AGO3: variants seen among roughly 807,000 people sequenced by gnomAD.
AGO3 encodes protein argonaute-3.
In AGO3, 16 loss-of-function variants were observed where a neutral mutation model predicts 105.5. The observed-to-expected ratio is 0.15, with a 90% CI of 0.10 to 0.23. AGO3 has a LOEUF of 0.23. AGO3 is among the 10% of genes least tolerant of loss of function. AGO3 has a pLI of 1.00. For missense variants in AGO3, 534 were observed against 1,088.0 expected (o/e 0.49, Z 7.16); for synonymous variants, 340 against 367.3 (o/e 0.93, Z 0.85).
chr1:35,962,671 A>T (rs924323531), intron 2 of AGO3, among the ~76,000 whole-genome samples: 1 of 152,154 alleles, frequency 6.6e-6, no homozygotes, highest in African/African-American at 2.4e-5. Flanking sequence ...TAAAAATGCC[A>T]TTACAAATTG....
chr1:36,031,141 G>T (rs1301193611), intron 12 of AGO3, among the ~76,000 whole-genome samples: 1 of 151,940 alleles, frequency 6.6e-6, no homozygotes, highest in Non-Finnish European at 1.5e-5. Context: ...TTATTTATTT[G>T]CTGACCTTCA....
At chr1:35,970,507 G>A (rs1646846161) in intron 3 of AGO3, among the ~76,000 whole-genome samples, 3 of 152,082 alleles carry the variant, frequency 2.0e-5, no homozygotes, top group Admixed American at 6.5e-5. Flanking sequence ...ACCTACTAAT[G>A]ATTCAAGGCT....
intron 1 of AGO3, among the ~76,000 whole-genome samples, chr1:35,936,997 A>G (rs1286605140): frequency 6.6e-6 from 1 of 152,238 alleles, no homozygotes; most frequent in Non-Finnish European, 1.5e-5. Flanking sequence ...TGAATCTTCT[A>G]ACAATATGAG....
chr1:35,942,041 T>G (rs1478346138), intron 1 of AGO3, among the ~76,000 whole-genome samples: 1 of 152,204 alleles, frequency 6.6e-6, no homozygotes, highest in Non-Finnish European at 1.5e-5. Context: ...AGTCAAATGA[T>G]TAGATAATTG....
At chr1:35,942,874 C>A (rs1483741644) in intron 1 of AGO3, among the ~76,000 whole-genome samples, 1 of 152,198 alleles carries the variant, frequency 6.6e-6, no homozygotes, top group African/African-American at 2.4e-5. Flanking sequence ...TTTAACAAAT[C>A]TGCATTTGCT....
intron 17 of AGO3, among the ~76,000 whole-genome samples, chr1:36,046,463 G>A (rs1402965635): frequency 6.0e-5 from 9 of 151,214 alleles, no homozygotes; most frequent in Admixed American, 1.3e-4. Context: ...AGGCCGAGGC[G>A]GGCATATCAC....
At chr1:35,942,783 C>CA (rs1475827453) in intron 1 of AGO3, among the ~76,000 whole-genome samples, 8 of 152,070 alleles carry the variant, frequency 5.3e-5, no homozygotes, top group African/African-American at 1.9e-4. Context: ...TGTGTATAGT[C>CA]AGTAGTGTTC....
intron 1 of AGO3, among the ~76,000 whole-genome samples, chr1:35,933,086 C>T (rs1646084365): frequency 6.6e-6 from 1 of 152,164 alleles, no homozygotes; most frequent in Non-Finnish European, 1.5e-5. Flanking sequence ...TGTCCCATTG[C>T]TGAAATGGAT....
At chr1:36,029,313 AAAT>A (rs1302346835) in intron 12 of AGO3, among the ~76,000 whole-genome samples, 1 of 152,128 alleles carries the variant, frequency 6.6e-6, no homozygotes, top group Non-Finnish European at 1.5e-5. Context: ...GTAAGTTTAG[AAAT>A]AATAGAAGAA....
intron 6 of AGO3, among the ~76,000 whole-genome samples, chr1:36,006,986 C>T (rs1388058433): frequency 1.3e-5 from 2 of 152,166 alleles, no homozygotes; most frequent in Non-Finnish European, 2.9e-5. Flanking sequence ...GCAGCATTGA[C>T]ATTTTGGGCT....
chr1:35,953,731 C>T (rs1334572676), intron 2 of AGO3, among the ~76,000 whole-genome samples: 5 of 151,962 alleles, frequency 3.3e-5, no homozygotes, highest in African/African-American at 9.7e-5. Flanking sequence ...AGGCTGGTCT[C>T]GAACCTCTGA....
At chr1:36,009,128 G>T in intron 8 of AGO3, 84 bp downstream of exon 8, 2 of 1,355,878 alleles carry the variant, frequency 1.5e-6, no homozygotes, top group Non-Finnish European at 1.9e-6. Flanking sequence ...ACCTCATACA[G>T]AACATTTATT....
intron 4 of AGO3, among the ~76,000 whole-genome samples, 155 bp from the exon 5 acceptor site, chr1:35,973,220 A>G (rs1463163552): frequency 6.6e-6 from 1 of 152,148 alleles, no homozygotes; most frequent in East Asian, 1.9e-4. Context: ...TAGAGTGGAT[A>G]CTTTTTGCTT....
At chr1:36,042,786 C>T (rs1642304492) in intron 16 of AGO3, among the ~76,000 whole-genome samples, 1 of 152,166 alleles carries the variant, frequency 6.6e-6, no homozygotes, top group Admixed American at 6.5e-5. Flanking sequence ...TGTCCTCTTA[C>T]AAGATGTTGA....
At position 36,056,745 on chromosome 1, in the gene AGO3, CT is replaced by C. The variant is rs869311363; in HGVS notation, c.*1012del. 216 of 141,318 alleles carry C rather than the reference CT, an allele frequency of 1.5e-3. No individual in the cohort carries two copies. Among genetic ancestry groups the C allele is most frequent in the East Asian group, 7.5e-3 (33 of 4,418 alleles). The allele number at this position is 141,318 out of a possible 1,614,324, so 8.8% of individuals were successfully genotyped here. The stretch of plus-strand genomic sequence containing the variant: ...TTTCTTTTTTCTTTTTCTTTTCTTT[CT>C]TTTTTTTTTTTAATGAGACAGAGCC... On this transcript the variant is annotated 3_prime_UTR_variant, in exon 19 of 19. Coordinates refer to ENST00000373191, the MANE Select transcript of AGO3 (RefSeq NM_024852.4).
At chr1:36,020,023 T>TG (rs760594950) in intron 11 of AGO3, among the ~76,000 whole-genome samples, 2 of 152,130 alleles carry the variant, frequency 1.3e-5, no homozygotes, top group Non-Finnish European at 2.9e-5. Flanking sequence ...CAGCCCACCT[T>TG]GGCCTCCCAA....
At chr1:35,979,313 G>A (rs369682199) in intron 5 of AGO3, among the ~76,000 whole-genome samples, 15 of 152,130 alleles carry the variant, frequency 9.9e-5, no homozygotes, top group African/African-American at 2.4e-4. Flanking sequence ...GCAGTGAGCC[G>A]AGATCGCGCC....
intron 5 of AGO3, among the ~76,000 whole-genome samples, chr1:35,989,519 C>T (rs1647416847): frequency 6.6e-6 from 1 of 152,110 alleles, no homozygotes; most frequent in Non-Finnish European, 1.5e-5. Flanking sequence ...ATTTCTTTAG[C>T]TTGTTTTGAG....
intron 5 of AGO3, among the ~76,000 whole-genome samples, chr1:35,986,481 G>A (rs1302613669): frequency 6.6e-6 from 1 of 152,134 alleles, no homozygotes; most frequent in Non-Finnish European, 1.5e-5. Flanking sequence ...ATGAGGCCAG[G>A]AGTTCAAGAC....
Sources: gnomAD v4.1 joint callset for allele counts (sites outside exome capture counted in the v4.1 genomes callset) on GRCh38, gnomAD v4.1.1 for gene constraint, MANE v1.5 for transcripts, NCBI Gene and HGNC (gene_info 2026-07-23, HGNC 2026-07-21) for gene names.